Variants in ATP7B observed in about 807,000 individuals in gnomAD.
ATP7B encodes the protein copper-transporting ATPase 2.
In ATP7B, 113 loss-of-function variants were observed where a neutral mutation model predicts 118.9. The observed-to-expected ratio is 0.95, with a 90% confidence interval of 0.82 to 1.11. ATP7B has a LOEUF of 1.11. Ranked by LOEUF, ATP7B falls within the 50% of genes most tolerant of loss-of-function variation. The pLI is 0.00. For missense variants in ATP7B, 1,867 were observed against 1,871.4 expected, an observed-to-expected ratio of 1.00 and a Z score of 0.04; for synonymous variants, 777 against 727.4, an observed-to-expected ratio of 1.07 and a Z score of -1.10.
At chr13:51,958,029 C>T (rs1958468505) in intron 8 of ATP7B, 2 of 503,552 alleles carry the variant, frequency 4.0e-6, no homozygotes, top group East Asian at 7.4e-5. Context: ...CAGTTTTGCA[C>T]CAAGAGACAA....
chr13:51,941,935 C>G lies in ATP7B; in HGVS notation c.3412+451G>C, dbSNP rs955765792. On this transcript the variant is annotated intron_variant, in intron 15 of 20. Coordinates refer to ENST00000242839, the MANE Select transcript of ATP7B (RefSeq NM_000053.4). ...CAAGCTACCTTGAGAATAAAAAAGGCCATTCTTCAAAAGCAGCTGTCCCTC... is the reference window on the plus strand; with the variant it reads ...CAAGCTACCTTGAGAATAAAAAAGGGCATTCTTCAAAAGCAGCTGTCCCTC... Among the ~76,000 whole-genome samples, 7 of 152,308 alleles carry G rather than the reference C, an allele frequency of 4.6e-5. 2 individuals are homozygous for G. Among genetic ancestry groups the G allele is most frequent in the Admixed American group, 3.9e-4 (6 of 15,306 alleles).
chr13:51,987,908 T>A (rs1952735227), intron 1 of ATP7B, among the ~76,000 whole-genome samples: 1 of 151,946 alleles, frequency 6.6e-6, no homozygotes, highest in South Asian at 2.1e-4. Flanking sequence ...AAAAATTAAC[T>A]CAAGATGGAT....
intron 1 of ATP7B, among the ~76,000 whole-genome samples, chr13:51,996,632 T>C (rs1017139697): frequency 1.3e-5 from 2 of 152,238 alleles, no homozygotes; most frequent in Admixed American, 1.3e-4. Context: ...CACTGAAGGC[T>C]GCCTCCTCAT....
chr13:52,009,580 G>C (rs1953929526), intron 1 of ATP7B, among the ~76,000 whole-genome samples: 3 of 152,152 alleles, frequency 2.0e-5, no homozygotes. Flanking sequence ...ATCTTATGTT[G>C]TAAGACTCTC....
intron 12 of ATP7B, among the ~76,000 whole-genome samples, chr13:51,947,390 T>G (rs1957732422): frequency 6.6e-6 from 1 of 152,208 alleles, no homozygotes; most frequent in Admixed American, 6.5e-5. Context: ...AAATATGACC[T>G]ACTTTCCAGA....
chr13:51,995,870 C>T (rs1953181078), intron 1 of ATP7B, among the ~76,000 whole-genome samples: 1 of 152,336 alleles, frequency 6.6e-6, no homozygotes, highest in South Asian at 2.1e-4. Flanking sequence ...TGCACACCCT[C>T]ACCCAGTGCA....
At position 51,938,574 on chromosome 13, in the gene ATP7B, T is replaced by C. The variant is rs74085871; in HGVS notation, c.3699+477A>G. 5.6e-3 allele frequency among the ~76,000 whole-genome samples: 860 copies of C among 152,324 alleles called. 7 individuals carry two copies. Among genetic ancestry groups the C allele is most frequent in the African/African-American group, 0.02 (820 of 41,566 alleles). ...GTGCATAATTTCTAGGAATCCAAAC[T>C]GGAGCCGCTGCTGTGTGAGAAGTCA... On this transcript the variant is annotated intron_variant, in intron 17 of 20. Coordinates refer to ENST00000242839, the MANE Select transcript of ATP7B (RefSeq NM_000053.4).
At chr13:51,948,332 C>T (rs763867317) in intron 12 of ATP7B, among the ~76,000 whole-genome samples, 5 of 152,030 alleles carry the variant, frequency 3.3e-5, no homozygotes, top group Non-Finnish European at 5.9e-5. Context: ...CACACTACAG[C>T]CTCAAACTCC....
At chr13:52,002,160 T>TA (rs1247412871) in intron 1 of ATP7B, among the ~76,000 whole-genome samples, 1 of 152,246 alleles carries the variant, frequency 6.6e-6, no homozygotes, top group East Asian at 1.9e-4. Flanking sequence ...GCTTGACACT[T>TA]AAAGAATTTC....
rs1351373980 is a variant in ATP7B, at chr13:51,933,614, T to A, written c.*1142A>T. 6.6e-6 allele frequency: 1 copy of A among 152,314 alleles called. No individual in the cohort carries two copies. Among genetic ancestry groups the A allele is most frequent in the South Asian group, 2.1e-4 (1 of 4,818 alleles). The allele number at this position is 152,314 out of a possible 1,614,324, so 9.4% of individuals were successfully genotyped here. A position where few individuals can be genotyped will look rare whatever the true frequency, so the allele number is the denominator to read the frequency against. On this transcript the variant is annotated 3_prime_UTR_variant, in exon 21 of 21. Transcript: ENST00000242839. The stretch of plus-strand genomic sequence containing the variant: ...GCTCCCTTCGGGGTGCTGTGGCCAC[T>A]CCTTTTCTGAAGCCCCTGGGCAGCG...
chr13:51,937,177 G>C, intron 19 of ATP7B, 99 bp downstream of exon 19: 1 of 1,181,040 alleles, frequency 8.5e-7, no homozygotes, highest in Non-Finnish European at 1.3e-6. Context: ...AACGCCTCTA[G>C]CCAGCCAGTG....
At chr13:51,935,815 C>A (rs1319636595) in intron 19 of ATP7B, 120 bp from the exon 20 acceptor site, 7 of 820,162 alleles carry the variant, frequency 8.5e-6, no homozygotes, top group Non-Finnish European at 1.1e-5. Context: ...CTGGCGTGCT[C>A]AGAAGCCCCT....
chr13:51,939,929 C>T (rs2138713901), intron 16 of ATP7B, among the ~76,000 whole-genome samples: 1 of 145,932 alleles, frequency 6.9e-6, no homozygotes, highest in East Asian at 2.1e-4. Flanking sequence ...CTAACATTAA[C>T]AAAGTAAAGA....
chr13:51,977,950 C>T (rs776079089), intron 1 of ATP7B, among the ~76,000 whole-genome samples: 1 of 152,168 alleles, frequency 6.6e-6, no homozygotes. Context: ...CTAGCCACCT[C>T]GGACACCTAC....
chr13:51,991,477 C>T (rs1952909217), intron 1 of ATP7B, among the ~76,000 whole-genome samples: 1 of 151,840 alleles, frequency 6.6e-6, no homozygotes, highest in African/African-American at 2.4e-5. Flanking sequence ...ACCTGGGTGA[C>T]ACGGTGAGAC....
At chr13:51,983,168 G>GA (rs1034509518) in intron 1 of ATP7B, among the ~76,000 whole-genome samples, 3 of 152,200 alleles carry the variant, frequency 2.0e-5, no homozygotes, top group Non-Finnish European at 4.4e-5. Context: ...CCACTGGTTT[G>GA]AAATTCTCAC....
chr13:52,009,592 C>T (rs1261629093), intron 1 of ATP7B, among the ~76,000 whole-genome samples: 2 of 152,214 alleles, frequency 1.3e-5, no homozygotes, highest in Non-Finnish European at 2.9e-5. Flanking sequence ...AAGACTCTCA[C>T]GGCACGTTAG....
At position 51,960,349 on chromosome 13, in the gene ATP7B, T is replaced by A. The variant is rs536593596; in HGVS notation, c.1947-27A>T. On this transcript the variant is annotated intron_variant, in intron 6 of 20. Transcript: ENST00000242839. ...TGGAAAGCAAATGCAGCAACACAGA[T>A]ATATCAGATGCTGCTTGTCACCTGG... The A allele has an allele frequency of 3.7e-6, 6 of 1,608,800 alleles. No homozygotes were observed. In the Admixed American group the frequency reaches 5.0e-5, roughly 14 times the overall value.
Position 51,937,503 on chromosome 13 carries a change from GATGGCCACATCCGTGCCGGTGCCA to G in ATP7B, c.3852_3875del (p.Gly1285_Ile1292del), listed in dbSNP as rs1555283826. On this transcript the variant is annotated inframe_deletion, in exon 18 of 21. Coordinates refer to ENST00000242839, the MANE Select transcript of ATP7B (RefSeq NM_000053.4). ...TGATAAGGACGACGTCGGCTGCCTCGATGGCCACATCCGTGCCGGTGCCAATGGCCACACCCATGTCTGCCTGGG... is the reference window on the plus strand; with the variant it reads ...TGATAAGGACGACGTCGGCTGCCTCGATGGCCACACCCATGTCTGCCTGGG... The G allele has an allele frequency of 5.0e-6, 8 of 1,614,036 alleles. No homozygotes were observed. The highest frequency in any genetic ancestry group is 1.3e-5 in the African/African-American group (1 of 75,046).
Sources: gnomAD v4.1 joint callset for allele counts (sites outside exome capture counted in the v4.1 genomes callset) on GRCh38, gnomAD v4.1.1 for gene constraint, MANE v1.5 for transcripts, NCBI Gene and HGNC (gene_info 2026-07-23, HGNC 2026-07-21) for gene names.